Variants in CPEB3 observed in about 807,000 individuals in gnomAD.
CPEB3 encodes the protein cytoplasmic polyadenylation element binding protein 3.
A neutral mutation model predicts 67.2 loss-of-function variants in CPEB3; 20 were observed. The observed-to-expected ratio is 0.30, with a 90% CI of 0.21 to 0.43. The LOEUF (loss-of-function observed/expected upper bound fraction) is 0.43. Among genes scored for constraint, CPEB3 ranks in the 20% least tolerant of loss-of-function variants. The pLI, the probability that CPEB3 is intolerant of heterozygous loss-of-function variation, is 1.00. For synonymous variants in CPEB3, 376 were observed against 393.1 expected (o/e 0.96, Z 0.51); for missense variants, 746 against 968.6 (o/e 0.77, Z 3.05).
chr10:92,226,891 G>A (rs993310247), intron 2 of CPEB3, among the ~76,000 whole-genome samples: 2 of 151,740 alleles, frequency 1.3e-5, no homozygotes, highest in African/African-American at 4.8e-5. Flanking sequence ...AGGGAACAGG[G>A]AGGGGGGAGC....
At chr10:92,112,186 A>G (rs1242952336) in intron 6 of CPEB3, among the ~76,000 whole-genome samples, 3 of 138,756 alleles carry the variant, frequency 2.2e-5, no homozygotes, top group Non-Finnish European at 4.5e-5. Context: ...ATCTCAGTGC[A>G]GTGGCACAAT....
intron 9 of CPEB3, among the ~76,000 whole-genome samples, chr10:92,072,990 C>T (rs544094551): frequency 6.7e-6 from 1 of 148,626 alleles, no homozygotes; most frequent in East Asian, 2.0e-4. Context: ...TTTCAAGATG[C>T]TAATGACTTT....
At chr10:92,235,214 G>A (rs1590477673) in intron 2 of CPEB3, among the ~76,000 whole-genome samples, 1 of 152,124 alleles carries the variant, frequency 6.6e-6, no homozygotes, top group Non-Finnish European at 1.5e-5. Context: ...GGTAGGCCAA[G>A]GCAGGCAGAT....
rs185160020 is a variant in CPEB3 at position 92,112,305 on chromosome 10, C to T, written c.1454-1111G>A. On this transcript the variant is annotated intron_variant, in intron 6 of 9. Coordinates refer to ENST00000265997, the MANE Select transcript of CPEB3 (RefSeq NM_014912.5). ...GATTACAGGCGCCCGCCACCACATC[C>T]GTCTAATTTTTGTATTTTTAGTAGA... is the stretch of plus-strand genomic sequence containing the variant. 2.3e-3 allele frequency among the ~76,000 whole-genome samples: 353 copies of T among 151,992 alleles called. 1 individual carries two copies. The highest frequency in any genetic ancestry group is 6.8e-3 in the Middle Eastern group (2 of 294).
chr10:92,226,792 G>T (rs955197770), intron 2 of CPEB3, among the ~76,000 whole-genome samples: 1 of 151,792 alleles, frequency 6.6e-6, no homozygotes, highest in South Asian at 2.1e-4. Flanking sequence ...GGGCAGAGTG[G>T]GGGCTCAGGG....
At chr10:92,179,771 T>G (rs892280280) in intron 4 of CPEB3, among the ~76,000 whole-genome samples, 4 of 152,220 alleles carry the variant, frequency 2.6e-5, no homozygotes, top group Admixed American at 2.6e-4. Flanking sequence ...GCACTGCCAG[T>G]GGTTCTCAGC....
chr10:92,154,445 G>A (rs1847110337), intron 4 of CPEB3, among the ~76,000 whole-genome samples: 1 of 152,044 alleles, frequency 6.6e-6, no homozygotes, highest in Non-Finnish European at 1.5e-5. Context: ...ATTACTAGAA[G>A]CACTTGGTTT....
At chr10:92,181,119 C>G (rs1036776637) in intron 3 of CPEB3, 100 bp from the exon 4 acceptor site, 9 of 649,472 alleles carry the variant, frequency 1.4e-5, no homozygotes, top group Non-Finnish European at 2.4e-5. Context: ...ACAGATTAAT[C>G]TATAACAATG....
intron 4 of CPEB3, among the ~76,000 whole-genome samples, chr10:92,155,974 ACT>A (rs1847190015): frequency 6.6e-6 from 1 of 152,184 alleles, no homozygotes; most frequent in African/African-American, 2.4e-5. Context: ...ATGATGGCAA[ACT>A]CTGCTCTGCA....
chr10:92,165,423 G>A (rs1179949200), intron 4 of CPEB3, among the ~76,000 whole-genome samples: 4 of 48,494 alleles, frequency 8.2e-5, no homozygotes, highest in Non-Finnish European at 1.6e-4. Flanking sequence ...TTTTTTTTTG[G>A]CTGGTGGAAG....
intron 7 of CPEB3, among the ~76,000 whole-genome samples, chr10:92,092,822 G>A (rs557324966): frequency 1.3e-5 from 2 of 151,512 alleles, no homozygotes; most frequent in South Asian, 4.1e-4. Flanking sequence ...GGATTTATCT[G>A]ATTTTGACAA....
chr10:92,242,927 T>G (rs796453446), intron 1 of CPEB3, among the ~76,000 whole-genome samples: 1 of 152,170 alleles, frequency 6.6e-6, no homozygotes, highest in Non-Finnish European at 1.5e-5. Context: ...AGGTAAGCAA[T>G]AGATTAACAT....
chr10:92,170,273 T>C (rs983025825), intron 4 of CPEB3, among the ~76,000 whole-genome samples: 2 of 152,248 alleles, frequency 1.3e-5, no homozygotes, highest in African/African-American at 2.4e-5. Flanking sequence ...ACATTTAACA[T>C]ATAAGATACT....
At chr10:92,092,095 A>T in intron 7 of CPEB3, 151 bp from the exon 8 acceptor site, 1 of 639,472 alleles carries the variant, frequency 1.6e-6, no homozygotes, top group Non-Finnish European at 2.8e-6. Context: ...AATCTGCATT[A>T]AGTACCTTTC....
Position 92,048,883 on chromosome 10 carries a change from C to A in CPEB3, c.*3329G>T, listed in dbSNP as rs1163233538. 3 of 152,278 alleles carry A rather than the reference C, an allele frequency of 2.0e-5. No homozygotes were observed. Among genetic ancestry groups the A allele is most frequent in the Non-Finnish European group, 4.4e-5 (3 of 67,968 alleles). The allele number at this position is 152,278 out of a possible 1,614,324, so 9.4% of individuals were successfully genotyped here. ...TTAGCATCATAAAATTAATTTATTCCAATAAAAATACAAAATAATATTATG... is the reference window on the plus strand; with the variant it reads ...TTAGCATCATAAAATTAATTTATTCAAATAAAAATACAAAATAATATTATG... On this transcript the variant is annotated 3_prime_UTR_variant, in exon 10 of 10. Transcript: ENST00000265997. This position sits in a 1 kb window ranked among gnomAD's most constrained non-coding sequence, Gnocchi z 4.1.
intron 1 of CPEB3, among the ~76,000 whole-genome samples, chr10:92,261,010 C>G (rs1005319922): frequency 6.6e-6 from 1 of 152,054 alleles, no homozygotes; most frequent in Non-Finnish European, 1.5e-5. Context: ...TGAAAAAAAC[C>G]TTTGTTTGCT....
chr10:92,213,212 T>C (rs1850180989), intron 2 of CPEB3, among the ~76,000 whole-genome samples: 3 of 152,196 alleles, frequency 2.0e-5, no homozygotes, highest in African/African-American at 7.2e-5. Flanking sequence ...AAGACACTCC[T>C]TCTTCTAAGA....
rs1301011902 is a variant in CPEB3 at position 92,047,696 on chromosome 10, A to C, written c.*4516T>G. 1 of 152,248 alleles carries C rather than the reference A, an allele frequency of 6.6e-6. No homozygotes were observed. The highest frequency in any genetic ancestry group is 1.9e-4 in the East Asian group (1 of 5,204). The allele number at this position is 152,248 out of a possible 1,614,324, so 9.4% of individuals were successfully genotyped here. ...AACCAGTAGTACCCAATTTGAGTTA[A>C]AATTTTACATCACAACTTGATCTAA... On this transcript the variant is annotated 3_prime_UTR_variant, in exon 10 of 10. Transcript: ENST00000265997.
At chr10:92,269,682 C>T (rs544236888) in intron 1 of CPEB3, among the ~76,000 whole-genome samples, 1 of 152,216 alleles carries the variant, frequency 6.6e-6, no homozygotes, top group South Asian at 2.1e-4. Context: ...CTCAGCCTCC[C>T]GAGTAGCTGG....
Sources: allele counts gnomAD v4.1 joint callset (sites outside exome capture counted in the v4.1 genomes callset), GRCh38; gene constraint gnomAD v4.1.1; non-coding constraint Gnocchi (gnomAD v3.1); transcripts MANE v1.5; gene names NCBI Gene and HGNC (gene_info 2026-07-23, HGNC 2026-07-21).